The following SLU7 variants were observed in gnomAD, a reference collection of about 807,000 sequenced individuals.
The protein encoded by SLU7 is spliceosome associated SLU7.
In SLU7, 60 loss-of-function variants were observed where a neutral mutation model predicts 87.0. The observed-to-expected ratio is 0.69, with a 90% CI of 0.56 to 0.86. SLU7 has a LOEUF of 0.86. SLU7 is among the 40% of genes least tolerant of loss of function. The probability of loss-of-function intolerance (pLI) is 0.00; values close to 1 mark genes in which losing one functional copy is unlikely to be tolerated. For missense variants in SLU7, 507 were observed against 686.6 expected, an observed-to-expected ratio of 0.74 and a Z score of 2.92; for synonymous variants, 197 against 222.0, an observed-to-expected ratio of 0.89 and a Z score of 1.00.
intron 1 of SLU7, chr5:160,418,470 T>C (rs1213803625): frequency 6.6e-6 from 1 of 152,214 alleles, no homozygotes; most frequent in Admixed American, 6.5e-5. Flanking sequence ...AATAAAGTAT[T>C]ATAGTCACCA....
Position 160,407,327 on chromosome 5 carries a change from C to T in SLU7, c.1125+149G>A. ...GCTGCAAAAGCTCATACAAAATTAC[C>T]ATCTGACTAAGAGAAAGGAAGAAAA... On this transcript the variant is annotated intron_variant, in intron 11 of 15. Transcript: ENST00000297151. The surrounding 1 kb of genome is among the most constrained non-coding windows in gnomAD (Gnocchi z 4.2). 3.8e-6 allele frequency: 2 copies of T among 527,112 alleles called. No individual in the cohort carries two copies. The highest frequency in any genetic ancestry group is 6.3e-6 in the Non-Finnish European group (2 of 318,288). The allele number at this position is 527,112 out of a possible 1,614,324, so 32.7% of individuals were successfully genotyped here. A position where few individuals can be genotyped will look rare whatever the true frequency, so the allele number is the denominator to read the frequency against.
chr5:160,415,178 T>C lies in SLU7; in HGVS notation c.117A>G (p.Leu39=), dbSNP rs528143769. The change falls in exon 2 of 16, where the codon CTA becomes CTG. Residue 39 remains leucine, a synonymous_variant. Coordinates refer to ENST00000297151, the MANE Select transcript of SLU7 (RefSeq NM_006425.5). ...TREDWRKKKE[L]EEQRKLGNAP... is the part of the protein sequence containing the mutation. The stretch of plus-strand genomic sequence containing the variant: ...CATTGCCCAATTTTCGCTGTTCTTC[T>C]AGCTCCTTCTTCTTTCTCCAGTCCT... The C allele has an allele frequency of 6.2e-7, 1 of 1,612,080 alleles. No homozygotes were observed. The highest frequency in any genetic ancestry group is 1.1e-5 in the South Asian group (1 of 90,542).
intron 6 of SLU7, among the ~76,000 whole-genome samples, chr5:160,410,615 C>A (rs770591370): frequency 9.9e-5 from 15 of 152,228 alleles, no homozygotes; most frequent in South Asian, 6.2e-4. Flanking sequence ...TCATTAGCCC[C>A]TTACATACAT....
intron 6 of SLU7, among the ~76,000 whole-genome samples, chr5:160,409,153 C>T (rs570620338): frequency 2.6e-5 from 4 of 151,906 alleles, no homozygotes; most frequent in East Asian, 1.9e-4. Flanking sequence ...ATTCATTAAA[C>T]GTTACTAGTT....
chr5:160,412,541 AGAAAGAAAG>A, intron 5 of SLU7, 22 bp from the exon 6 acceptor site: 1 of 1,411,534 alleles, frequency 7.1e-7, no homozygotes, highest in Non-Finnish European at 9.5e-7. Flanking sequence ...AAAAAAAGAA[AGAAAGAAAG>A]AAAAAGTAAA....
rs758759024 is a variant in SLU7 at position 160,403,324 on chromosome 5, C to T, written c.1722G>A (p.Gln574=). 48 of 1,611,948 alleles carry T rather than the reference C, an allele frequency of 3.0e-5. No individual in the cohort carries two copies. The highest frequency in any genetic ancestry group is 4.0e-5 in the Non-Finnish European group (47 of 1,179,222). ...AAGAGGCCATGGGGTCATCTGGCCT[C>T]TGACGTTTCATTCTATATGCCTCCA... ...EEMEAYRMKR[Q]RPDDPMASFL... is the part of the protein sequence containing the mutation. Residue 574 remains glutamine (Q), a synonymous_variant, in exon 16 of 16, where the codon CAG becomes CAA. Coordinates refer to ENST00000297151, the MANE Select transcript of SLU7 (RefSeq NM_006425.5).
intron 8 of SLU7, 33 bp downstream of exon 8, chr5:160,408,296 T>C (rs907628207): frequency 2.0e-5 from 31 of 1,588,534 alleles, no homozygotes; most frequent in Non-Finnish European, 2.6e-5. Flanking sequence ...ACAAGTATTT[T>C]TCAAATATGT....
intron 1 of SLU7, among the ~76,000 whole-genome samples, chr5:160,416,268 G>C (rs1165777844): frequency 6.6e-6 from 1 of 152,096 alleles, no homozygotes; most frequent in East Asian, 1.9e-4. Context: ...TCAAGGCTCA[G>C]TCAGCACCTT....
rs912850734 is a variant in SLU7, at chr5:160,408,134, T to G, written c.820-66A>C. The G allele has an allele frequency of 1.2e-5, 15 of 1,245,048 alleles. No individual in the cohort carries two copies. In the African/African-American group the frequency reaches 2.1e-4, roughly 17 times the overall value. 77.1% of individuals were successfully genotyped at this position (1,245,048 alleles called of 1,614,324 possible). A position where few individuals can be genotyped will look rare whatever the true frequency, so the allele number is the denominator to read the frequency against. ...AGCAAAAAGATTTCAGCAGACTAGTTGGAGGAGTTGAACATGATCAATTAA... is the reference window on the plus strand; with the variant it reads ...AGCAAAAAGATTTCAGCAGACTAGTGGGAGGAGTTGAACATGATCAATTAA... On this transcript the variant is annotated intron_variant, in intron 8 of 15. Coordinates refer to ENST00000297151, the MANE Select transcript of SLU7 (RefSeq NM_006425.5).
rs551516597 is a variant in SLU7 at position 160,416,904 on chromosome 5, G to A, written c.-16-1594C>T. On this transcript the variant is annotated intron_variant, in intron 1 of 15. Transcript: ENST00000297151. ...TTCCCAAGTGTTGTGGGAGAGACCGGGTGAGAGATCACTGAATCATGGCGG... is the reference window on the plus strand; with the variant it reads ...TTCCCAAGTGTTGTGGGAGAGACCGAGTGAGAGATCACTGAATCATGGCGG... Among the ~76,000 whole-genome samples the A allele has an allele frequency of 3.9e-5, 6 of 152,228 alleles. No homozygotes were observed. The South Asian group carries it at 1.2e-3, about 32-fold the overall frequency.
rs371722090 is a variant in SLU7, at chr5:160,404,804, C to A, written c.1464+5G>T. The A allele has an allele frequency of 3.1e-6, 5 of 1,593,816 alleles. No homozygotes were observed. Among genetic ancestry groups the A allele is most frequent in the Non-Finnish European group, 4.3e-6 (5 of 1,161,650 alleles). The stretch of plus-strand genomic sequence containing the variant: ...AAAATTCAGGACAAATGATTATCAA[C>A]TTACCTCCATGAGGGTTTGAGGTTT... On this transcript the variant is annotated splice_donor_5th_base_variant and intron_variant, in intron 14 of 15. Transcript: ENST00000297151.
Position 160,415,295 on chromosome 5 carries a change from G to C in SLU7, c.-1C>G, listed in dbSNP as rs748258581. Reference sequence around the variant, plus strand: ...CTGCATCTACAACTGTGGCTGACATGGTTATCTGGCCTCCTCTAGGAAAAG... The same window carrying C: ...CTGCATCTACAACTGTGGCTGACATCGTTATCTGGCCTCCTCTAGGAAAAG... On this transcript the variant is annotated 5_prime_UTR_variant, in exon 2 of 16. Transcript: ENST00000297151. 1.3e-6 allele frequency: 2 copies of C among 1,564,968 alleles called. No individual in the cohort carries two copies. The highest frequency in any genetic ancestry group is 2.4e-5 in the South Asian group (2 of 81,722).
rs1765589847 is a variant in SLU7 at position 160,419,032 on chromosome 5, C to G, written c.-26G>C. ...AACAATATTTTCTTACCCAGCCCCG[C>G]CGCAGCTAGCCCCAAGTCCATCCGA... is the stretch of plus-strand genomic sequence containing the variant. On this transcript the variant is annotated 5_prime_UTR_variant, in exon 1 of 16. Transcript: ENST00000297151. 6.6e-6 allele frequency: 1 copy of G among 152,344 alleles called. No homozygotes were observed. The highest frequency in any genetic ancestry group is 1.5e-5 in the Non-Finnish European group (1 of 68,106). 9.4% of individuals were successfully genotyped at this position (152,344 alleles called of 1,614,324 possible).
chr5:160,410,704 G>A (rs1765194954), intron 6 of SLU7, among the ~76,000 whole-genome samples: 1 of 151,970 alleles, frequency 6.6e-6, no homozygotes, highest in South Asian at 2.1e-4. Flanking sequence ...AAAGAAACAG[G>A]CCCTTTTTCT....
chr5:160,417,399 C>A (rs1463567435), intron 1 of SLU7, among the ~76,000 whole-genome samples: 4 of 151,902 alleles, frequency 2.6e-5, no homozygotes, highest in African/African-American at 4.8e-5. Flanking sequence ...AGAAAAAAAA[C>A]AACTCTGTCT....
In SLU7 at chr5:160,408,657, G is replaced by A; in HGVS notation, c.680C>T (p.Ser227Phe). The change falls in exon 7 of 16, where the codon TCT becomes TTT. Residue 227 changes from serine to phenylalanine, a missense_variant. Transcript: ENST00000297151. ...KHQWGEEEPN[S>F]QMEKDHNSED... ...ACAGCAAATATGTATTACCATCTGAGAATTTGGTTCCTCTTCTCCCCACTG... is the reference window on the plus strand; with the variant it reads ...ACAGCAAATATGTATTACCATCTGAAAATTTGGTTCCTCTTCTCCCCACTG... 2 of 1,569,792 alleles carry A rather than the reference G, an allele frequency of 1.3e-6. No homozygotes were observed. The highest frequency in any genetic ancestry group is 1.7e-6 in the Non-Finnish European group (2 of 1,148,590).
intron 12 of SLU7, 119 bp downstream of exon 12, chr5:160,406,347 AAT>A: frequency 6.7e-6 from 5 of 751,294 alleles, no homozygotes; most frequent in Non-Finnish European, 9.6e-6. Context: ...AAACAGTTAA[AAT>A]TTTTTTTTTT....
chr5:160,414,480 TAAAGTA>T lies in SLU7; in HGVS notation c.171-14_171-9del. 1 of 1,508,110 alleles carries T rather than the reference TAAAGTA, an allele frequency of 6.6e-7. No homozygotes were observed. The highest frequency in any genetic ancestry group is 8.9e-7 in the Non-Finnish European group (1 of 1,128,638). The allele number at this position is 1,508,110 out of a possible 1,614,324, so 93.4% of individuals were successfully genotyped here. On this transcript the variant is annotated splice_polypyrimidine_tract_variant and intron_variant, in intron 2 of 15. Coordinates refer to ENST00000297151, the MANE Select transcript of SLU7 (RefSeq NM_006425.5). The stretch of plus-strand genomic sequence containing the variant: ...ATATGGGGGTTGATGTCTCTGTAAT[TAAAGTA>T]AAAAAAAAAAAAATTTAAGGATAAA...
At chr5:160,408,239 A>T in intron 8 of SLU7, 90 bp downstream of exon 8, 2 of 1,376,092 alleles carry the variant, frequency 1.5e-6, no homozygotes, top group Non-Finnish European at 2.0e-6. Flanking sequence ...GACTCTGACT[A>T]TATTATCCAT....
Sources: allele counts gnomAD v4.1 joint callset (sites outside exome capture counted in the v4.1 genomes callset), GRCh38; gene constraint gnomAD v4.1.1; non-coding constraint Gnocchi (gnomAD v3.1); transcripts MANE v1.5; gene names NCBI Gene and HGNC (gene_info 2026-07-23, HGNC 2026-07-21).